ARVCF: variants seen among roughly 807,000 people sequenced by gnomAD.
ARVCF encodes ARVCF delta catenin family member, also known as splicing regulator ARVCF.
Under a neutral mutation model 90.9 loss-of-function variants are expected in ARVCF, and 66 were observed. The observed-to-expected ratio is 0.73, with a 90% CI of 0.60 to 0.89. The LOEUF (loss-of-function observed/expected upper bound fraction) is 0.89, where lower values mean the gene tolerates loss of function less well. Ranked by LOEUF, ARVCF falls within the 40% of genes least tolerant of loss-of-function variation. ARVCF has a pLI of 0.00. For missense variants in ARVCF, 1,469 were observed against 1,382.3 expected (o/e 1.06, Z -1.00); for synonymous variants, 653 against 603.4 (o/e 1.08, Z -1.21).
Position 20,009,416 on chromosome 22 carries a change from G to A in ARVCF, c.-19+1039C>T, listed in dbSNP as rs548886062. On this transcript the variant is annotated intron_variant, in intron 2 of 19. Transcript: ENST00000263207. ...CTCAGCCTAGGTCACTCAGGCATCC[G>A]GAGGCCATGGCCTTCTCCCTACCAC... Among the ~76,000 whole-genome samples the A allele has an allele frequency of 2.2e-3, 329 of 152,314 alleles. 2 individuals carry two copies. Among genetic ancestry groups the A allele is most frequent in the African/African-American group, 7.6e-3 (316 of 41,562 alleles).
At position 19,980,249 on chromosome 22, in the gene ARVCF, A is replaced by G. The variant is rs1943419505; in HGVS notation, c.897-7T>C. 1 of 1,508,172 alleles carries G rather than the reference A, an allele frequency of 6.6e-7. No homozygotes were observed. Among genetic ancestry groups the G allele is most frequent in the African/African-American group, 1.4e-5 (1 of 71,766 alleles). 93.4% of individuals were successfully genotyped at this position (1,508,172 alleles called of 1,614,324 possible). A position where few individuals can be genotyped will look rare whatever the true frequency, so the allele number is the denominator to read the frequency against. Reference sequence around the variant, plus strand: ...TGCTGTGTCCTCGTAGGCCCTGCACAGGCAAGTGGGGCGCGTGGACATCGT... The same window carrying G: ...TGCTGTGTCCTCGTAGGCCCTGCACGGGCAAGTGGGGCGCGTGGACATCGT... On this transcript the variant is annotated splice_polypyrimidine_tract_variant and splice_region_variant and intron_variant, in intron 5 of 19. Coordinates refer to ENST00000263207, the MANE Select transcript of ARVCF (RefSeq NM_001670.3).
At chr22:19,984,407 C>T (rs1480665247) in intron 3 of ARVCF, among the ~76,000 whole-genome samples, 1 of 152,124 alleles carries the variant, frequency 6.6e-6, no homozygotes, top group Non-Finnish European at 1.5e-5. Context: ...CCCATCAGCC[C>T]CGGCCTAGCA....
chr22:19,976,628 G>A, intron 10 of ARVCF, 78 bp downstream of exon 10: 1 of 1,522,120 alleles, frequency 6.6e-7, no homozygotes, highest in Non-Finnish European at 8.9e-7. Flanking sequence ...CAGGGCCCTG[G>A]GGCTGGAACG....
chr22:19,999,354 G>T (rs1944365205), intron 2 of ARVCF, among the ~76,000 whole-genome samples: 1 of 152,192 alleles, frequency 6.6e-6, no homozygotes, highest in Non-Finnish European at 1.5e-5. Flanking sequence ...GCACGAGGAG[G>T]CACTGGCCCA....
intron 2 of ARVCF, among the ~76,000 whole-genome samples, chr22:19,994,615 T>G (rs1601645703): frequency 4.9e-5 from 2 of 41,100 alleles, no homozygotes; most frequent in African/African-American, 1.1e-4. Context: ...AATGGATGGA[T>G]GGGTGGGTGG....
chr22:19,970,797 A>C, intron 19 of ARVCF, 54 bp from the exon 20 acceptor site: 1 of 1,293,980 alleles, frequency 7.7e-7, no homozygotes, highest in South Asian at 1.2e-5. Flanking sequence ...GCACAGGACC[A>C]CGTGTAACCT....
At position 19,971,914 on chromosome 22, in the gene ARVCF, C is replaced by T; in HGVS notation, c.2753G>A (p.Gly918Glu). 1 of 1,613,280 alleles carries T rather than the reference C, an allele frequency of 6.2e-7. No individual in the cohort carries two copies. The highest frequency in any genetic ancestry group is 1.1e-5 in the South Asian group (1 of 91,088). Residue 918 changes from glycine to glutamate, a missense_variant, in exon 18 of 20, where the codon GGA becomes GAA. Physicochemically the swap from Gly to Glu is moderately conservative, Grantham distance 98. Transcript: ENST00000263207. ...CAAGGGTTCCTTCTCAGAGGCCTCT[C>T]CTGCAGAGCTGGCGCCCCGTGGCCT... ...ERRPRGASSA[G>E]EASEKEPLKL...
In ARVCF at chr22:19,977,460, G is replaced by A. The variant is rs750107043; in HGVS notation, c.1825C>T (p.Arg609Trp). 3.1e-5 allele frequency: 48 copies of A among 1,564,412 alleles called. No individual in the cohort carries two copies. The highest frequency in any genetic ancestry group is 1.7e-4 in the Middle Eastern group (1 of 5,838). The change falls in exon 9 of 20, where the codon CGG becomes TGG. Residue 609 changes from arginine (R) to tryptophan (W), a missense_variant. By Grantham distance (101) the Arg-to-Trp change is moderately radical. Transcript: ENST00000263207. Reference sequence around the variant, plus strand: ...AAGCAGCTGGCATCATCCCGCCTCCGGCGCTGGGAGCCTACAGCACTGCCC... The same window carrying A: ...AAGCAGCTGGCATCATCCCGCCTCCAGCGCTGGGAGCCTACAGCACTGCCC... The part of the protein sequence containing the change: ...PLGSAVGSQR[R>W]RRDDASCFGG...
intron 3 of ARVCF, among the ~76,000 whole-genome samples, chr22:19,987,624 G>T (rs1004363271): frequency 6.6e-6 from 1 of 151,992 alleles, no homozygotes; most frequent in Non-Finnish European, 1.5e-5. Flanking sequence ...ACCTGGCTGC[G>T]ACTCAGTTTC....
chr22:20,014,783 G>A (rs757888361), intron 1 of ARVCF, among the ~76,000 whole-genome samples: 3 of 152,214 alleles, frequency 2.0e-5, no homozygotes, highest in Non-Finnish European at 4.4e-5. Context: ...TCCACCCAGA[G>A]ACCGGGGATC....
intron 16 of ARVCF, 84 bp downstream of exon 16, chr22:19,972,653 T>G: frequency 7.1e-7 from 1 of 1,413,042 alleles, no homozygotes; most frequent in Admixed American, 2.4e-5. Flanking sequence ...GAGGCCTGAC[T>G]CCTCCTTCAC....
chr22:19,973,723 G>T lies in ARVCF; in HGVS notation c.2159C>A (p.Ser720Tyr), dbSNP rs776769318. 2 of 1,609,768 alleles carry T rather than the reference G, an allele frequency of 1.2e-6. No homozygotes were observed. Among genetic ancestry groups the T allele is most frequent in the Admixed American group, 3.3e-5 (2 of 60,022 alleles). ...GLPVLVELLQ[S>Y]ETDKVVRAVA... ...GGCGCGCACCACCTTGTCGGTCTCA[G>T]ACTGCAGCAGTTCCACAAGCACCGG... Residue 720 changes from serine to tyrosine, a missense_variant, in exon 13 of 20, where the codon TCT becomes TAT. Physicochemically the swap from Ser to Tyr is moderately radical, Grantham distance 144 (BLOSUM62 -2). Transcript: ENST00000263207.
intron 2 of ARVCF, among the ~76,000 whole-genome samples, chr22:19,992,414 C>T (rs1944063630): frequency 1.3e-5 from 2 of 152,210 alleles, no homozygotes; most frequent in Admixed American, 1.3e-4. Flanking sequence ...ACTCCCCAAG[C>T]ATGGTCACAC....
chr22:19,999,124 A>G (rs1381235905), intron 2 of ARVCF, among the ~76,000 whole-genome samples: 1 of 152,138 alleles, frequency 6.6e-6, no homozygotes, highest in Non-Finnish European at 1.5e-5. Context: ...AGGCCAGGCC[A>G]CATTTCCCCA....
intron 2 of ARVCF, among the ~76,000 whole-genome samples, chr22:20,009,437 A>G (rs565839534): frequency 3.0e-4 from 46 of 152,198 alleles, no homozygotes; most frequent in African/African-American, 9.6e-4. Context: ...CCTTCTCCCT[A>G]CCACTTAGGC....
chr22:19,967,133 TC>T (rs759530867), downstream of ARVCF: 26 of 1,296,444 alleles, frequency 2.0e-5, no homozygotes, highest in East Asian at 2.8e-4. Flanking sequence ...TTTCTGCCCT[TC>T]CCTCCTTCTT....
At chr22:19,991,403 C>G (rs186312319) in intron 2 of ARVCF, among the ~76,000 whole-genome samples, 44 of 152,376 alleles carry the variant, frequency 2.9e-4, no homozygotes, top group African/African-American at 1.1e-3. Context: ...AGCAGTCCAG[C>G]CTCCACTCAT....
At chr22:20,012,515 CT>C (rs1336176435) in intron 1 of ARVCF, among the ~76,000 whole-genome samples, 3 of 152,210 alleles carry the variant, frequency 2.0e-5, no homozygotes, top group Admixed American at 6.5e-5. Flanking sequence ...GGGAGCCCCC[CT>C]GAGTGCTCTG....
chr22:19,972,356 A>G lies in ARVCF; in HGVS notation c.2695+2T>C, dbSNP rs761620841. Reference sequence around the variant, plus strand: ...AACCAACCACACTGCATCTGCACTCACCTGGGCCCAGCGCATCCATGGGGA... The same window carrying G: ...AACCAACCACACTGCATCTGCACTCGCCTGGGCCCAGCGCATCCATGGGGA... On this transcript the variant is annotated splice_donor_variant, in intron 17 of 19. Coordinates refer to ENST00000263207, the MANE Select transcript of ARVCF (RefSeq NM_001670.3). LOFTEE classifies it high-confidence loss of function. The G allele has an allele frequency of 6.2e-7, 1 of 1,613,548 alleles. No individual in the cohort carries two copies. The highest frequency in any genetic ancestry group is 2.2e-5 in the East Asian group (1 of 44,856).
Sources: allele counts gnomAD v4.1 joint callset (sites outside exome capture counted in the v4.1 genomes callset), GRCh38; gene constraint gnomAD v4.1.1; transcripts MANE v1.5; gene names NCBI Gene and HGNC (gene_info 2026-07-23, HGNC 2026-07-21).